The following CAMK2A variants were observed in gnomAD, a reference collection of about 807,000 sequenced individuals.
The protein encoded by CAMK2A is calcium/calmodulin dependent protein kinase II alpha.
CAMK2A carries 7 observed loss-of-function variants against 79.2 expected under a neutral mutation model. The observed-to-expected ratio is 0.09, with a 90% CI of 0.05 to 0.17. The LOEUF (loss-of-function observed/expected upper bound fraction) is 0.17, where lower values mean the gene tolerates loss of function less well. Among genes scored for constraint, CAMK2A ranks in the 10% least tolerant of loss-of-function variants. The pLI, the probability that CAMK2A is intolerant of heterozygous loss-of-function variation, is 1.00. For synonymous variants in CAMK2A, 242 were observed against 251.7 expected, an observed-to-expected ratio of 0.96 and a Z score of 0.36; for missense variants, 214 against 646.4, an observed-to-expected ratio of 0.33 and a Z score of 7.25.
At position 150,222,435 on chromosome 5, in the gene CAMK2A, G is replaced by C; in HGVS notation, c.*275C>G. 2.9e-6 allele frequency: 2 copies of C among 690,006 alleles called. No individual in the cohort carries two copies. The highest frequency in any genetic ancestry group is 5.3e-6 in the Non-Finnish European group (2 of 377,780). The allele number at this position is 690,006 out of a possible 1,614,324, so 42.7% of individuals were successfully genotyped here. A position where few individuals can be genotyped will look rare whatever the true frequency, so the allele number is the denominator to read the frequency against. ...CGGACAGCAGCTGAGGCTGGGGAGA[G>C]GGGGCCAGTGCTGTGGACACCCATG... is the stretch of plus-strand genomic sequence containing the variant. On this transcript the variant is annotated 3_prime_UTR_variant, in exon 19 of 19. Transcript: ENST00000671881.
chr5:150,250,657 C>T (rs773344435), intron 10 of CAMK2A, 31 bp downstream of exon 10: 1 of 1,613,006 alleles, frequency 6.2e-7, no homozygotes, highest in Admixed American at 1.7e-5. Context: ...TGGAGGGGCT[C>T]CTGGGAGAAG....
chr5:150,289,578 G>A lies in CAMK2A; in HGVS notation c.48C>T (p.Phe16=), dbSNP rs753516638. 5.1e-5 allele frequency: 83 copies of A among 1,613,766 alleles called. No individual in the cohort carries two copies. In the East Asian group the frequency reaches 1.4e-3, roughly 27 times the overall value. Residue 16 remains phenylalanine (F), a synonymous_variant, in exon 1 of 19, where the codon TTC becomes TTT. Coordinates refer to ENST00000671881, the MANE Select transcript of CAMK2A (RefSeq NM_015981.4). ...CTRFTEEYQL[F]EELGKGAFSV... Reference sequence around the variant, plus strand: ...GCACAACTCACTTGCCCAATTCCTCGAAGAGCTGGTACTCTTCCGTGAAGC... The same window carrying A: ...GCACAACTCACTTGCCCAATTCCTCAAAGAGCTGGTACTCTTCCGTGAAGC...
In CAMK2A at chr5:150,251,813, G is replaced by A. The variant is rs781084361; in HGVS notation, c.630C>T (p.Tyr210=). ...GVILYILLVG[Y]PPFWDEDQHR... is the part of the protein sequence containing the mutation. The stretch of plus-strand genomic sequence containing the variant: ...GCTGGTCCTCATCCCAGAACGGGGG[G>A]TACCCAACCAGCAGGATGTACAGGA... Residue 210 remains tyrosine (Y), a synonymous_variant, in exon 9 of 19, where the codon TAC becomes TAT. Transcript: ENST00000671881. The A allele has an allele frequency of 6.2e-7, 1 of 1,608,192 alleles. No homozygotes were observed. The highest frequency in any genetic ancestry group is 8.5e-7 in the Non-Finnish European group (1 of 1,177,168).
chr5:150,256,024 A>G lies in CAMK2A; in HGVS notation c.411+549T>C, dbSNP rs1188326032. 6.6e-6 allele frequency among the ~76,000 whole-genome samples: 1 copy of G among 152,216 alleles called. No homozygotes were observed. The highest frequency in any genetic ancestry group is 1.9e-4 in the East Asian group (1 of 5,200). On this transcript the variant is annotated intron_variant, in intron 6 of 18. Coordinates refer to ENST00000671881, the MANE Select transcript of CAMK2A (RefSeq NM_015981.4). This position sits in a 1 kb window ranked among gnomAD's most constrained non-coding sequence, Gnocchi z 4.6. ...AGTCCTAGACTCTGCAATCTCCTTC[A>G]GGTAAAAGAAAGGAGAACTGCACGG...
intron 15 of CAMK2A, among the ~76,000 whole-genome samples, chr5:150,236,575 C>T (rs977104322): frequency 1.3e-5 from 2 of 152,176 alleles, no homozygotes; most frequent in African/African-American, 4.8e-5. Flanking sequence ...AAATGGACTC[C>T]AGTGGAGAAG....
chr5:150,288,111 A>G (rs1379344328), intron 1 of CAMK2A, among the ~76,000 whole-genome samples: 1 of 152,048 alleles, frequency 6.6e-6, no homozygotes, highest in African/African-American at 2.4e-5. Context: ...ATGCACACAC[A>G]TGCGTGTGCA....
intron 1 of CAMK2A, among the ~76,000 whole-genome samples, chr5:150,286,730 C>A (rs1353969909): frequency 6.6e-6 from 1 of 152,206 alleles, no homozygotes; most frequent in African/African-American, 2.4e-5. Flanking sequence ...CTTCCTCCCA[C>A]AGAAGAGGCC....
rs1003172791 is a variant in CAMK2A, at chr5:150,284,498, AAGGGAGGG to A, written c.62+5058_62+5065del. ...GTGCTTGTGGAGGGAGGTGGGGAGG[AAGGGAGGG>A]AGGGAGGGAGGCTCAGCAGAGTGTC... On this transcript the variant is annotated intron_variant, in intron 1 of 18. Transcript: ENST00000671881. The surrounding 1 kb of genome is among the most constrained non-coding windows in gnomAD (Gnocchi z 5.3). Among the ~76,000 whole-genome samples, 4 of 142,144 alleles carry A rather than the reference AAGGGAGGG, an allele frequency of 2.8e-5. No individual in the cohort carries two copies. The highest frequency in any genetic ancestry group is 2.1e-4 in the Admixed American group (3 of 14,428). 93.3% of individuals were successfully genotyped at this position (142,144 alleles called of 152,430 possible).
chr5:150,257,138 C>T (rs550019473), intron 4 of CAMK2A, among the ~76,000 whole-genome samples: 11 of 152,288 alleles, frequency 7.2e-5, no homozygotes, highest in Admixed American at 4.6e-4. Context: ...AAGCCTATGG[C>T]CTCCCCCATG....
intron 15 of CAMK2A, among the ~76,000 whole-genome samples, chr5:150,235,743 T>C (rs1755028159): frequency 6.6e-6 from 1 of 152,306 alleles, no homozygotes; most frequent in East Asian, 1.9e-4. Context: ...CCCTGGAGGA[T>C]GACATTTCTA....
Position 150,221,332 on chromosome 5 carries a change from G to A in CAMK2A, c.*1378C>T, listed in dbSNP as rs1754297534. 2 of 397,982 alleles carry A rather than the reference G, an allele frequency of 5.0e-6. No individual in the cohort carries two copies. Among genetic ancestry groups the A allele is most frequent in the Non-Finnish European group, 8.8e-6 (2 of 226,008 alleles). 24.7% of individuals were successfully genotyped at this position (397,982 alleles called of 1,614,324 possible). A position where few individuals can be genotyped will look rare whatever the true frequency, so the allele number is the denominator to read the frequency against. ...AAAGAGAGAATGCGAACCCGAGGCT[G>A]CAGGATGAGGCATGAAGAGTAGAAA... On this transcript the variant is annotated 3_prime_UTR_variant, in exon 19 of 19. Transcript: ENST00000671881.
At chr5:150,228,096 C>T (rs1190200620) in intron 17 of CAMK2A, 96 bp downstream of exon 17, 8 of 1,055,138 alleles carry the variant, frequency 7.6e-6, no homozygotes, top group South Asian at 3.0e-5. Context: ...GCTCCTGAGC[C>T]GCCCCTGGGG....
Position 150,264,631 on chromosome 5 carries a change from T to G in CAMK2A, c.217+325A>C, listed in dbSNP as rs185728234. The stretch of plus-strand genomic sequence containing the variant: ...TCGGCATGGGTGTGGGTATGGGGAA[T>G]GGGCCACAGCGGTCAAGGCCAAGCA... On this transcript the variant is annotated intron_variant, in intron 3 of 18. Coordinates refer to ENST00000671881, the MANE Select transcript of CAMK2A (RefSeq NM_015981.4). Among the ~76,000 whole-genome samples the G allele has an allele frequency of 3.1e-3, 473 of 152,300 alleles. 4 individuals carry two copies. Among genetic ancestry groups the G allele is most frequent in the African/African-American group, 0.011 (442 of 41,574 alleles).
At chr5:150,247,840 G>A (rs878973736) in intron 11 of CAMK2A, 26 bp from the exon 12 acceptor site, 1 of 1,609,362 alleles carries the variant, frequency 6.2e-7, no homozygotes, top group Non-Finnish European at 8.5e-7. Flanking sequence ...AGAGGGCAGT[G>A]GGAGAGGAGG....
chr5:150,277,963 T>C (rs2150306037), intron 1 of CAMK2A, among the ~76,000 whole-genome samples: 1 of 152,318 alleles, frequency 6.6e-6, no homozygotes, highest in Middle Eastern at 3.4e-3. Context: ...CACTTTTTCT[T>C]CTGACTCAAC....
Position 150,238,573 on chromosome 5 carries a change from C to A in CAMK2A, c.1066+127G>T, listed in dbSNP as rs1216637820. On this transcript the variant is annotated intron_variant, in intron 15 of 18. Transcript: ENST00000671881. The stretch of plus-strand genomic sequence containing the variant: ...CCAGTGTGCCCAGTTTATAAGGCAC[C>A]AGAGCGAAGCTCTCTGTAGATGAGC... 6.4e-6 allele frequency: 6 copies of A among 944,046 alleles called. No homozygotes were observed. In the African/African-American group the frequency reaches 8.2e-5, roughly 13 times the overall value. 58.5% of individuals were successfully genotyped at this position (944,046 alleles called of 1,614,324 possible).
intron 11 of CAMK2A, 46 bp from the exon 12 acceptor site, chr5:150,247,860 A>C (rs7711562): frequency 6.4e-7 from 1 of 1,565,114 alleles, no homozygotes; most frequent in East Asian, 2.3e-5. Context: ...GCCGGAGTGA[A>C]GGGACCCAGG....
At chr5:150,255,666 C>T (rs970357599) in intron 6 of CAMK2A, among the ~76,000 whole-genome samples, 1 of 152,200 alleles carries the variant, frequency 6.6e-6, no homozygotes, top group Non-Finnish European at 1.5e-5. Context: ...AGTGAGTTTG[C>T]TGTCACTGAA....
At chr5:150,265,048 G>A (rs781396001) in intron 2 of CAMK2A, 33 bp from the exon 3 acceptor site, 1 of 1,532,536 alleles carries the variant, frequency 6.5e-7, no homozygotes, top group Non-Finnish European at 9.0e-7. Context: ...AGTCCCCGGT[G>A]AGGAAGGAAC....
Sources: allele counts gnomAD v4.1 joint callset (sites outside exome capture counted in the v4.1 genomes callset), GRCh38; gene constraint gnomAD v4.1.1; non-coding constraint Gnocchi (gnomAD v3.1); transcripts MANE v1.5; gene names NCBI Gene and HGNC (gene_info 2026-07-23, HGNC 2026-07-21).